The following PCDHA2 variants were observed in gnomAD, a reference collection of about 807,000 sequenced individuals.
The protein encoded by PCDHA2 is protocadherin alpha-2.
Under a neutral mutation model 66.0 loss-of-function variants are expected in PCDHA2, and 58 were observed. The observed-to-expected ratio is 0.88, with a 90% CI of 0.71 to 1.09. The LOEUF (loss-of-function observed/expected upper bound fraction) is 1.09. Among genes scored for constraint, PCDHA2 ranks in the 50% least tolerant of loss-of-function variants. The probability of loss-of-function intolerance (pLI) is 0.00; values close to 1 mark genes in which losing one functional copy is unlikely to be tolerated. For missense variants in PCDHA2, 1,267 were observed against 1,242.3 expected (o/e 1.02, Z -0.30); for synonymous variants, 634 against 554.0 (o/e 1.14, Z -2.03).
intron 1 of PCDHA2, chr5:140,852,936 T>A: frequency 1.7e-6 from 1 of 599,096 alleles, no homozygotes; most frequent in Non-Finnish European, 2.2e-6. Flanking sequence ...TGGAGTGCAG[T>A]GGTGCCATCT....
intron 1 of PCDHA2, among the ~76,000 whole-genome samples, chr5:140,946,209 T>C (rs2153672553): frequency 6.6e-6 from 1 of 152,022 alleles, no homozygotes; most frequent in East Asian, 1.9e-4. Flanking sequence ...AGCACACAAA[T>C]GACCAACAGG....
Position 140,796,488 on chromosome 5 carries a change from T to G in PCDHA2, c.1524T>G (p.Val508=), listed in dbSNP as rs781975077. The G allele has an allele frequency of 5.0e-6, 8 of 1,612,152 alleles. No homozygotes were observed. Among genetic ancestry groups the G allele is most frequent in the South Asian group, 1.1e-5 (1 of 90,998 alleles). Residue 508 remains valine, a synonymous_variant, in exon 1 of 4, where the codon GTT becomes GTG. Coordinates refer to ENST00000526136, the MANE Select transcript of PCDHA2 (RefSeq NM_018905.3). ...RVGERALSSY[V]SVHAESGKVY... ...GCGAGCGCGCGTTGTCGAGCTACGTTTCGGTGCACGCGGAGAGCGGCAAGG... is the reference window on the plus strand; with the variant it reads ...GCGAGCGCGCGTTGTCGAGCTACGTGTCGGTGCACGCGGAGAGCGGCAAGG...
At chr5:140,952,325 T>G in intron 1 of PCDHA2, among the ~76,000 whole-genome samples, 1 of 133,382 alleles carries the variant, frequency 7.5e-6, no homozygotes, top group Non-Finnish European at 1.6e-5. Context: ...GCAACAAGAG[T>G]GAAACTCCAT....
chr5:140,801,826 T>C (rs1378951068), intron 1 of PCDHA2: 1 of 1,614,154 alleles, frequency 6.2e-7, no homozygotes, highest in East Asian at 2.2e-5. Flanking sequence ...AAGCATTATT[T>C]ACTAATAACA....
chr5:140,807,981 A>G, intron 1 of PCDHA2: 2 of 1,613,816 alleles, frequency 1.2e-6, no homozygotes, highest in African/African-American at 2.7e-5. Flanking sequence ...ATTAAACTTA[A>G]CGCCTCAGAT....
intron 1 of PCDHA2, among the ~76,000 whole-genome samples, chr5:140,854,845 T>C (rs1554147464): frequency 6.7e-6 from 1 of 149,904 alleles, no homozygotes; most frequent in Non-Finnish European, 1.5e-5. Flanking sequence ...CTGACATTGA[T>C]AAAATTACTA....
At chr5:140,988,489 C>G (rs1197670303) in intron 3 of PCDHA2, among the ~76,000 whole-genome samples, 4 of 152,134 alleles carry the variant, frequency 2.6e-5, no homozygotes, top group Non-Finnish European at 5.9e-5. Flanking sequence ...CATCCCCTAC[C>G]TAGGAGAAGC....
chr5:140,956,315 A>G (rs246013), intron 1 of PCDHA2, among the ~76,000 whole-genome samples: 85,586 of 151,908 alleles, frequency 0.56, 24,725 homozygotes, highest in African/African-American at 0.69. Flanking sequence ...TTATTTTGAG[A>G]TATGTTCCTT....
intron 1 of PCDHA2, chr5:140,876,327 G>T: frequency 6.2e-7 from 1 of 1,614,026 alleles, no homozygotes. Flanking sequence ...AAATGATTTT[G>T]CCAGTGAGTG....
rs1761911525 is a variant in PCDHA2, at chr5:140,795,065, C to G, written c.101C>G (p.Ser34Cys). 1 of 1,613,970 alleles carries G rather than the reference C, an allele frequency of 6.2e-7. No homozygotes were observed. The highest frequency in any genetic ancestry group is 8.5e-7 in the Non-Finnish European group (1 of 1,180,036). ...GTGGGGAGCGGCCAGCTCCGCTACT[C>G]CGTCCCCGAGGAGGCCAAACACGGC... ...WEVGSGQLRYSVPEEAKHGTF... is the reference protein window; with the variant it reads ...WEVGSGQLRYCVPEEAKHGTF... Residue 34 changes from serine (S) to cysteine (C), a missense_variant, in exon 1 of 4, where the codon TCC becomes TGC. Physicochemically the swap from Ser to Cys is moderately radical, Grantham distance 112. Coordinates refer to ENST00000526136, the MANE Select transcript of PCDHA2 (RefSeq NM_018905.3).
intron 1 of PCDHA2, chr5:140,884,562 A>G (rs782650365): frequency 3.1e-6 from 5 of 1,614,166 alleles, no homozygotes; most frequent in Admixed American, 1.7e-5. Flanking sequence ...GAGGGCCCGC[A>G]TAAGACGGAC....
At chr5:140,985,216 C>T (rs1009954667) in intron 3 of PCDHA2, among the ~76,000 whole-genome samples, 1 of 152,186 alleles carries the variant, frequency 6.6e-6, no homozygotes, top group South Asian at 2.1e-4. Context: ...GGATTACAGG[C>T]GTGAGCCACC....
intron 3 of PCDHA2, among the ~76,000 whole-genome samples, chr5:140,999,423 C>G (rs1159862736): frequency 6.6e-6 from 1 of 152,100 alleles, no homozygotes; most frequent in Non-Finnish European, 1.5e-5. Context: ...AGCTAAGAGG[C>G]CAAGTACCTT....
chr5:140,802,202 A>T, intron 1 of PCDHA2: 1 of 1,614,254 alleles, frequency 6.2e-7, no homozygotes, highest in Non-Finnish European at 8.5e-7. Flanking sequence ...ATCACTGCAC[A>T]GTTCTACTCG....
At chr5:140,981,824 C>T (rs1350256595) in intron 2 of PCDHA2, among the ~76,000 whole-genome samples, 4 of 152,108 alleles carry the variant, frequency 2.6e-5, no homozygotes, top group African/African-American at 7.2e-5. Flanking sequence ...CTCTGCTTGC[C>T]TCTAAAGGTC....
intron 1 of PCDHA2, chr5:140,882,688 A>G: frequency 1.2e-6 from 2 of 1,614,196 alleles, no homozygotes; most frequent in Non-Finnish European, 8.5e-7. Flanking sequence ...AGAAACGAAT[A>G]ATCATTGCAG....
rs782157769 is a variant in PCDHA2, at chr5:140,877,409, G to T, written c.2388+80057G>T. On this transcript the variant is annotated intron_variant, in intron 1 of 3. Coordinates refer to ENST00000526136, the MANE Select transcript of PCDHA2 (RefSeq NM_018905.3). ...GATGAGGCGGACGCTCCGCGCCACC[G>T]CCTGCTGGTGCTGGTGAAGGACCAC... 11 of 1,613,802 alleles carry T rather than the reference G, an allele frequency of 6.8e-6. No homozygotes were observed. The African/African-American group carries it at 1.3e-4, about 20-fold the overall frequency.
intron 1 of PCDHA2, among the ~76,000 whole-genome samples, chr5:140,973,030 C>G (rs1274875201): frequency 1.3e-5 from 2 of 152,014 alleles, no homozygotes; most frequent in African/African-American, 4.8e-5. Context: ...TAATGAGTCA[C>G]TTTGAGTACT....
intron 3 of PCDHA2, among the ~76,000 whole-genome samples, chr5:141,008,031 T>C (rs566619568): frequency 1.3e-5 from 2 of 152,336 alleles, no homozygotes; most frequent in Admixed American, 6.5e-5. Flanking sequence ...TTCTTGTTAA[T>C]CTGCCTTTTG....
Sources: gnomAD v4.1 joint callset for allele counts (sites outside exome capture counted in the v4.1 genomes callset) on GRCh38, gnomAD v4.1.1 for gene constraint, MANE v1.5 for transcripts, NCBI Gene and HGNC (gene_info 2026-07-23, HGNC 2026-07-21) for gene names.